ARHGAP42: variants seen among roughly 807,000 people sequenced by gnomAD.
The protein encoded by ARHGAP42 is rho GTPase-activating protein 42.
Under a neutral mutation model 125.0 loss-of-function variants are expected in ARHGAP42, and 63 were observed. The ratio of observed to expected loss-of-function variants is 0.50; its 90% CI spans 0.41 to 0.62. ARHGAP42 has a LOEUF of 0.62. Among genes scored for constraint, ARHGAP42 ranks in the 20% least tolerant of loss-of-function variants. The probability of loss-of-function intolerance (pLI) is 0.00; values close to 1 mark genes in which losing one functional copy is unlikely to be tolerated. For synonymous variants in ARHGAP42, 339 were observed against 351.0 expected (o/e 0.97, Z 0.38); for missense variants, 766 against 1,024.2 (o/e 0.75, Z 3.44).
intron 1 of ARHGAP42, among the ~76,000 whole-genome samples, chr11:100,731,425 A>G (rs1224260424): frequency 6.6e-6 from 1 of 152,190 alleles, no homozygotes; most frequent in Non-Finnish European, 1.5e-5. Context: ...CAGGGATTAC[A>G]GGCGTGAGCC....
chr11:100,834,051 T>A (rs1363936544), intron 3 of ARHGAP42, among the ~76,000 whole-genome samples: 4 of 152,192 alleles, frequency 2.6e-5, no homozygotes, highest in African/African-American at 9.6e-5. Context: ...GTGACCATAT[T>A]GATTTCTATA....
In ARHGAP42 at chr11:100,715,016, C is replaced by T. The variant is rs548074606; in HGVS notation, c.154+27184C>T. On this transcript the variant is annotated intron_variant, in intron 1 of 23. Transcript: ENST00000298815. ...GTGAGCTGTGATTGCACCACTTCAC[C>T]GCAGGCTGGGCGATGCAGTGAAACC... 2.4e-4 allele frequency among the ~76,000 whole-genome samples: 34 copies of T among 140,600 alleles called. No homozygotes were observed. In the South Asian group the frequency reaches 2.7e-3, roughly 11 times the overall value. 92.2% of individuals were successfully genotyped at this position (140,600 alleles called of 152,430 possible). A position where few individuals can be genotyped will look rare whatever the true frequency, so the allele number is the denominator to read the frequency against.
At chr11:100,871,127 T>G (rs960148662) in intron 4 of ARHGAP42, among the ~76,000 whole-genome samples, 3 of 152,156 alleles carry the variant, frequency 2.0e-5, no homozygotes, top group African/African-American at 7.2e-5. Context: ...GTATTAAAAC[T>G]TTATAATATA....
intron 3 of ARHGAP42, among the ~76,000 whole-genome samples, chr11:100,855,387 G>A (rs767697265): frequency 6.6e-6 from 1 of 151,976 alleles, no homozygotes; most frequent in Non-Finnish European, 1.5e-5. Context: ...GGGAAGTAGT[G>A]TAAAAATAAA....
At chr11:100,757,522 G>A (rs1862604323) in intron 1 of ARHGAP42, among the ~76,000 whole-genome samples, 1 of 152,158 alleles carries the variant, frequency 6.6e-6, no homozygotes, top group South Asian at 2.1e-4. Context: ...ACACTTGGAA[G>A]TTAAATTAGA....
rs142237858 is a variant in ARHGAP42, at chr11:100,915,859, C to G, written c.486+2306C>G. ...AGGCAAAATGTAGCTTGGGTTCCCC[C>G]CTCCCTTCGCCCCTCTAGGAATCAG... On this transcript the variant is annotated intron_variant, in intron 5 of 23. Coordinates refer to ENST00000298815, the MANE Select transcript of ARHGAP42 (RefSeq NM_152432.4). Among the ~76,000 whole-genome samples, 126 of 152,246 alleles carry G rather than the reference C, an allele frequency of 8.3e-4. 1 individual carries two copies. The East Asian group carries it at 0.011, about 13-fold the overall frequency.
intron 4 of ARHGAP42, among the ~76,000 whole-genome samples, chr11:100,900,874 C>T (rs1866526968): frequency 6.6e-6 from 1 of 152,182 alleles, no homozygotes. Context: ...TACCGACCTT[C>T]TGAAACCTAC....
At chr11:100,788,289 T>G (rs887713572) in intron 2 of ARHGAP42, among the ~76,000 whole-genome samples, 2 of 152,192 alleles carry the variant, frequency 1.3e-5, no homozygotes, top group Non-Finnish European at 2.9e-5. Flanking sequence ...TGATTTGTGT[T>G]TGGCAATTAA....
chr11:100,776,313 A>G (rs1452557224), intron 2 of ARHGAP42, among the ~76,000 whole-genome samples: 3 of 152,202 alleles, frequency 2.0e-5, no homozygotes, highest in East Asian at 3.9e-4. Flanking sequence ...TTGGTTAGTG[A>G]TGTTGTGTGA....
chr11:100,878,242 C>A (rs1407274497), intron 4 of ARHGAP42, among the ~76,000 whole-genome samples: 1 of 151,956 alleles, frequency 6.6e-6, no homozygotes, highest in Non-Finnish European at 1.5e-5. Context: ...GATTCTCCTG[C>A]CTCAGCCTCC....
At chr11:100,947,987 G>A (rs1868069423) in intron 10 of ARHGAP42, among the ~76,000 whole-genome samples, 1 of 151,874 alleles carries the variant, frequency 6.6e-6, no homozygotes, top group Non-Finnish European at 1.5e-5. Flanking sequence ...GAAATGCTTT[G>A]GTTTTAGTGT....
intron 1 of ARHGAP42, among the ~76,000 whole-genome samples, chr11:100,765,621 C>T (rs1862812160): frequency 6.6e-6 from 1 of 152,080 alleles, no homozygotes; most frequent in African/African-American, 2.4e-5. Context: ...TTATCGATTG[C>T]CCTCTGTTAT....
intron 1 of ARHGAP42, among the ~76,000 whole-genome samples, chr11:100,754,890 C>T (rs1257863305): frequency 6.6e-6 from 1 of 152,164 alleles, no homozygotes; most frequent in East Asian, 1.9e-4. Context: ...TAAAAAAGTG[C>T]TGTGCTTATC....
intron 1 of ARHGAP42, among the ~76,000 whole-genome samples, chr11:100,733,299 T>G (rs547600886): frequency 2.0e-5 from 3 of 152,242 alleles, no homozygotes; most frequent in African/African-American, 7.2e-5. Flanking sequence ...TTAAAGGCCC[T>G]TGGCAAAATG....
At chr11:100,701,936 G>C (rs897488279) in intron 1 of ARHGAP42, among the ~76,000 whole-genome samples, 2 of 151,668 alleles carry the variant, frequency 1.3e-5, no homozygotes, top group Admixed American at 1.3e-4. Context: ...CCTAGTTTTC[G>C]GACTGTCTTG....
chr11:100,734,322 C>T (rs1414788744), intron 1 of ARHGAP42, among the ~76,000 whole-genome samples: 1 of 151,926 alleles, frequency 6.6e-6, no homozygotes, highest in East Asian at 1.9e-4. Flanking sequence ...TCTTGTTGCC[C>T]AGGCTTGAGT....
At chr11:100,931,319 T>C (rs983648151) in intron 6 of ARHGAP42, among the ~76,000 whole-genome samples, 6 of 152,214 alleles carry the variant, frequency 3.9e-5, no homozygotes, top group African/African-American at 1.2e-4. Context: ...TGGAAACTTA[T>C]GTGGCTGAAG....
chr11:100,737,735 G>A (rs1045224499), intron 1 of ARHGAP42, among the ~76,000 whole-genome samples: 1 of 152,178 alleles, frequency 6.6e-6, no homozygotes, highest in African/African-American at 2.4e-5. Flanking sequence ...AACTCTCCCT[G>A]TTAAACTTAA....
At chr11:100,750,689 G>C (rs1862427275) in intron 1 of ARHGAP42, among the ~76,000 whole-genome samples, 1 of 151,968 alleles carries the variant, frequency 6.6e-6, no homozygotes, top group Non-Finnish European at 1.5e-5. Context: ...GCAGGAAATC[G>C]GAATGAGTCA....
Sources: gnomAD v4.1 joint callset for allele counts (sites outside exome capture counted in the v4.1 genomes callset) on GRCh38, gnomAD v4.1.1 for gene constraint, MANE v1.5 for transcripts, NCBI Gene and HGNC (gene_info 2026-07-23, HGNC 2026-07-21) for gene names.